Variants in CELSR3 observed in about 807,000 individuals in gnomAD.
CELSR3 encodes EGF-like protein 1.
A neutral mutation model predicts 270.0 loss-of-function variants in CELSR3; 73 were observed. The ratio of observed to expected loss-of-function variants is 0.27; its 90% CI spans 0.22 to 0.33. The LOEUF is 0.33. Among genes scored for constraint, CELSR3 ranks in the 10% least tolerant of loss-of-function variants. The pLI is 1.00. For synonymous variants in CELSR3, 1,780 were observed against 1,905.4 expected (o/e 0.93, Z 1.71); for missense variants, 3,614 against 4,533.8 (o/e 0.80, Z 5.83).
Position 48,656,384 on chromosome 3 carries a change from T to A in CELSR3, c.4400-19A>T. On this transcript the variant is annotated intron_variant, in intron 2 of 34. Coordinates refer to ENST00000164024, the MANE Select transcript of CELSR3 (RefSeq NM_001407.3). ...TCCTCTCCTGGGGGCCAAGCCGCGG[T>A]CAGAGGCGGTCACGCCCACGCCCGC... The A allele has an allele frequency of 2.9e-6, 4 of 1,397,220 alleles. No individual in the cohort carries two copies. The highest frequency in any genetic ancestry group is 3.7e-6 in the Non-Finnish European group (4 of 1,087,826). The allele number at this position is 1,397,220 out of a possible 1,614,324, so 86.6% of individuals were successfully genotyped here.
rs1329250019 is a variant in CELSR3, at chr3:48,639,119, A to G, written c.9911+555T>C. Among the ~76,000 whole-genome samples the G allele has an allele frequency of 2.0e-5, 3 of 152,078 alleles. No individual in the cohort carries two copies. The highest frequency in any genetic ancestry group is 4.4e-5 in the Non-Finnish European group (3 of 68,014). On this transcript the variant is annotated intron_variant, in intron 34 of 34. Transcript: ENST00000164024. This position sits in a 1 kb window ranked among gnomAD's most constrained non-coding sequence, Gnocchi z 4.1. ...GCTTCACACATACCCGAGATGAACC[A>G]GGTTCCAACTCAGTTCCTGTGAGCC...
At position 48,647,881 on chromosome 3, in the gene CELSR3, C is replaced by T; in HGVS notation, c.7089G>A (p.Val2363=). 11 of 1,611,578 alleles carry T rather than the reference C, an allele frequency of 6.8e-6. No individual in the cohort carries two copies. Among genetic ancestry groups the T allele is most frequent in the Non-Finnish European group, 9.3e-6 (11 of 1,179,634 alleles). Reference sequence around the variant, plus strand: ...GCCGTGGGGACTGGGAAGGCAGCAGCACATGGGTGTGAGGATCCCAGGCAT... The same window carrying T: ...GCCGTGGGGACTGGGAAGGCAGCAGTACATGGGTGTGAGGATCCCAGGCAT... The part of the protein sequence containing the change: ...GQDAWDPHTH[V]LLPSQSPRPS... The change falls in exon 20 of 35, where the codon GTG becomes GTA. Residue 2363 remains valine (V), a synonymous_variant. Transcript: ENST00000164024.
In CELSR3 at chr3:48,650,647, G is replaced by T; in HGVS notation, c.6371-66C>A. 7.6e-7 allele frequency: 1 copy of T among 1,313,974 alleles called. No homozygotes were observed. The highest frequency in any genetic ancestry group is 1.1e-6 in the Non-Finnish European group (1 of 951,734). The allele number at this position is 1,313,974 out of a possible 1,614,324, so 81.4% of individuals were successfully genotyped here. A position where few individuals can be genotyped will look rare whatever the true frequency, so the allele number is the denominator to read the frequency against. ...AGGGCAGTTGACAGCCACACCCACT[G>T]CCCCTCCACCACCCCCCACAAGGCC... On this transcript the variant is annotated intron_variant, in intron 15 of 34. Coordinates refer to ENST00000164024, the MANE Select transcript of CELSR3 (RefSeq NM_001407.3). The surrounding 1 kb of genome is among the most constrained non-coding windows in gnomAD (Gnocchi z 5.1).
Position 48,640,677 on chromosome 3 carries a change from G to A in CELSR3, c.9026-118C>T, listed in dbSNP as rs2047017724. On this transcript the variant is annotated intron_variant, in intron 33 of 34. Coordinates refer to ENST00000164024, the MANE Select transcript of CELSR3 (RefSeq NM_001407.3). The surrounding 1 kb of genome is among the most constrained non-coding windows in gnomAD (Gnocchi z 7.5). ...TCCTTCCAACACAGGGATGGGAGCA[G>A]GAACCCCTTGGGGAGCAGCAGAGGC... The A allele has an allele frequency of 1.7e-6, 2 of 1,175,364 alleles. No individual in the cohort carries two copies. The highest frequency in any genetic ancestry group is 5.2e-5 in the East Asian group (2 of 38,620). 72.8% of individuals were successfully genotyped at this position (1,175,364 alleles called of 1,614,324 possible).
At chr3:48,656,495 C>G in intron 2 of CELSR3, 130 bp from the exon 3 acceptor site, 1 of 1,130,424 alleles carries the variant, frequency 8.8e-7, no homozygotes, top group South Asian at 1.8e-5. Flanking sequence ...TGGACACGCC[C>G]CTTCCGTCTG....
intron 19 of CELSR3, 29 bp downstream of exon 19, chr3:48,648,237 T>TTG: frequency 7.0e-7 from 1 of 1,427,710 alleles, no homozygotes; most frequent in Non-Finnish European, 9.8e-7. Context: ...CCCCCTGCTG[T>TTG]GCCCCGCCCT....
Position 48,658,765 on chromosome 3 carries a change from C to T in CELSR3, c.3748+122G>A. The T allele has an allele frequency of 2.4e-6, 3 of 1,227,034 alleles. No individual in the cohort carries two copies. The highest frequency in any genetic ancestry group is 2.3e-5 in the Admixed American group (1 of 43,002). The allele number at this position is 1,227,034 out of a possible 1,614,324, so 76.0% of individuals were successfully genotyped here. ...GGCAGATCTTGTAGGGTGCAGGAAC[C>T]CTACCCTTAAGGGGTTCTTGGAAGG... On this transcript the variant is annotated intron_variant, in intron 1 of 34. Transcript: ENST00000164024. The surrounding 1 kb of genome is among the most constrained non-coding windows in gnomAD (Gnocchi z 4.7).
chr3:48,648,238 G>GGCCCCCCCCACCCCCC, intron 19 of CELSR3, 28 bp downstream of exon 19: 5 of 1,342,612 alleles, frequency 3.7e-6, no homozygotes, highest in Non-Finnish European at 4.2e-6. Context: ...CCCCTGCTGT[G>GGCCCCCCCCACCCCCC]CCCCGCCCTA....
At position 48,660,116 on chromosome 3, in the gene CELSR3, T is replaced by A; in HGVS notation, c.2519A>T (p.Asp840Val). The stretch of plus-strand genomic sequence containing the variant: ...GATGTTGATGTGCACATAGCAGTGA[T>A]CATGAAGGGCACGGTCAGATGCAGT... ...VLTASDRALH[D>V]HCYVHINITD... The change falls in exon 1 of 35, where the codon GAT (aspartate) becomes GTT (valine). Residue 840 changes from aspartate (D) to valine (V), a missense_variant. Asp to Val is a radical substitution (Grantham distance 152, BLOSUM62 -3). Transcript: ENST00000164024. The surrounding 1 kb of genome is among the most constrained non-coding windows in gnomAD (Gnocchi z 5.5). 1 of 1,614,130 alleles carries A rather than the reference T, an allele frequency of 6.2e-7. No homozygotes were observed. The highest frequency in any genetic ancestry group is 8.5e-7 in the Non-Finnish European group (1 of 1,180,030).
Position 48,650,639 on chromosome 3 carries a change from C to T in CELSR3, c.6371-58G>A. The T allele has an allele frequency of 1.5e-6, 2 of 1,371,852 alleles. No homozygotes were observed. Among genetic ancestry groups the T allele is most frequent in the Non-Finnish European group, 2.0e-6 (2 of 999,194 alleles). The allele number at this position is 1,371,852 out of a possible 1,614,324, so 85.0% of individuals were successfully genotyped here. A position where few individuals can be genotyped will look rare whatever the true frequency, so the allele number is the denominator to read the frequency against. ...CAGGGTACAGGGCAGTTGACAGCCA[C>T]ACCCACTGCCCCTCCACCACCCCCC... On this transcript the variant is annotated intron_variant, in intron 15 of 34. Coordinates refer to ENST00000164024, the MANE Select transcript of CELSR3 (RefSeq NM_001407.3). The surrounding 1 kb of genome is among the most constrained non-coding windows in gnomAD (Gnocchi z 5.1).
Position 48,661,279 on chromosome 3 carries a change from G to A in CELSR3, c.1356C>T (p.Ile452=). 2 of 1,613,046 alleles carry A rather than the reference G, an allele frequency of 1.2e-6. No individual in the cohort carries two copies. The highest frequency in any genetic ancestry group is 1.7e-6 in the Non-Finnish European group (2 of 1,179,536). Reference sequence around the variant, plus strand: ...CGCCGTCAGTGGCACGCAGCTGCAGGATAGGGTAGCCCTCCTCCACATTCT... The same window carrying A: ...CGCCGTCAGTGGCACGCAGCTGCAGAATAGGGTAGCCCTCCTCCACATTCT... ...LRENVEEGYP[I]LQLRATDGDA... Residue 452 remains isoleucine, a synonymous_variant, in exon 1 of 35, where the codon ATC becomes ATT. Coordinates refer to ENST00000164024, the MANE Select transcript of CELSR3 (RefSeq NM_001407.3).
rs532493642 is a variant in CELSR3, at chr3:48,648,050, G to C, written c.6974-54C>G. 3.1e-5 allele frequency: 50 copies of C among 1,598,128 alleles called. No individual in the cohort carries two copies. In the South Asian group the frequency reaches 5.4e-4, roughly 17 times the overall value. ...ATCATGGACCTCTTCCCCCTGCCAA[G>C]GGTTCTACTCCCTCTTACTCGCATC... On this transcript the variant is annotated intron_variant, in intron 19 of 34. Transcript: ENST00000164024.
Position 48,649,224 on chromosome 3 carries a change from A to T in CELSR3, c.6473-9T>A. On this transcript the variant is annotated splice_polypyrimidine_tract_variant and intron_variant, in intron 16 of 34. Transcript: ENST00000164024. ...CAGCCGCACAGCAGCACCTGGAGGC[A>T]GGCAACCCCTGGTCAGGCCTGGGGC... The T allele has an allele frequency of 6.2e-7, 1 of 1,605,578 alleles. No individual in the cohort carries two copies. Among genetic ancestry groups the T allele is most frequent in the Non-Finnish European group, 8.5e-7 (1 of 1,176,034 alleles).
In CELSR3 at chr3:48,645,907, T is replaced by C. The variant is rs775003948; in HGVS notation, c.7464-39A>G. 6.3e-7 allele frequency: 1 copy of C among 1,582,132 alleles called. No homozygotes were observed. The highest frequency in any genetic ancestry group is 1.1e-5 in the South Asian group (1 of 89,870). On this transcript the variant is annotated intron_variant, in intron 22 of 34. Coordinates refer to ENST00000164024, the MANE Select transcript of CELSR3 (RefSeq NM_001407.3). This position sits in a 1 kb window ranked among gnomAD's most constrained non-coding sequence, Gnocchi z 5.4. ...GCAGTTAGACACAACTGTGACCCAG[T>C]GTCAGGCAGGGGTTTGTGAGAGATC...
Position 48,652,550 on chromosome 3 carries a change from T to C in CELSR3, c.5638A>G (p.Thr1880Ala), listed in dbSNP as rs1489800467. Residue 1880 changes from threonine to alanine, a missense_variant, in exon 11 of 35, where the codon ACC becomes GCC. Coordinates refer to ENST00000164024, the MANE Select transcript of CELSR3 (RefSeq NM_001407.3). The surrounding 1 kb of genome is among the most constrained non-coding windows in gnomAD (Gnocchi z 4.3). The stretch of plus-strand genomic sequence containing the variant: ...TGCAGCTCACTCCCCACCGCCATGG[T>C]GTCCTGGAGGAAGTGGGGCAGTCAG... ...VSLDFSLFQDTMAVGSELQGL... is the reference protein window; with the variant it reads ...VSLDFSLFQDAMAVGSELQGL... 1.9e-6 allele frequency: 3 copies of C among 1,606,596 alleles called. No homozygotes were observed. The African/African-American group carries it at 4.0e-5, about 21-fold the overall frequency.
rs1214119977 is a variant in CELSR3, at chr3:48,639,407, G to A, written c.9911+267C>T. Among the ~76,000 whole-genome samples the A allele has an allele frequency of 2.6e-5, 4 of 152,132 alleles. No homozygotes were observed. The highest frequency in any genetic ancestry group is 7.2e-5 in the African/African-American group (3 of 41,432). ...CTCCCATTCGCTAGCTCAGCCCATC[G>A]GATGGCACCTATTTCTCCTTAGCCT... On this transcript the variant is annotated intron_variant, in intron 34 of 34. Coordinates refer to ENST00000164024, the MANE Select transcript of CELSR3 (RefSeq NM_001407.3). The surrounding 1 kb of genome is among the most constrained non-coding windows in gnomAD (Gnocchi z 4.1).
chr3:48,648,683 G>C lies in CELSR3; in HGVS notation c.6777+36C>G, dbSNP rs373067008. The C allele has an allele frequency of 1.2e-5, 19 of 1,592,956 alleles. No individual in the cohort carries two copies. In the African/African-American group the frequency reaches 1.6e-4, roughly 13 times the overall value. ...CAGGGGCAGGAGGCTGGGAGCTGGG[G>C]GGCCAAGGCACTGAGAACATAGGGC... On this transcript the variant is annotated intron_variant, in intron 18 of 34. Transcript: ENST00000164024.
In CELSR3 at chr3:48,655,372, G is replaced by C. The variant is rs201146327; in HGVS notation, c.4764C>G (p.Ser1588Arg). 1 of 1,614,104 alleles carries C rather than the reference G, an allele frequency of 6.2e-7. No homozygotes were observed. The highest frequency in any genetic ancestry group is 2.2e-5 in the East Asian group (1 of 44,886). Residue 1588 changes from serine (S) to arginine (R), a missense_variant, in exon 5 of 35, where the codon AGC (serine) becomes AGG (arginine). Physicochemically the swap from Ser to Arg is moderately radical, Grantham distance 110. Around this residue, in one of 7 missense-constraint regions of CELSR3, gnomAD observed 1,331 missense variants for 1,933.7 expected, o/e 0.69. Coordinates refer to ENST00000164024, the MANE Select transcript of CELSR3 (RefSeq NM_001407.3). This position sits in a 1 kb window ranked among gnomAD's most constrained non-coding sequence, Gnocchi z 5.8. ...CACTCAAGCCCCCTGGAACTGTGGG[G>C]CTGACCACGGTGTTGGATTCACCTG... Reference protein sequence around the residue: ...YSTGESNTVVSPTVPGGLSDG... With the variant: ...YSTGESNTVVRPTVPGGLSDG...
At position 48,660,172 on chromosome 3, in the gene CELSR3, G is replaced by A. The variant is rs971351968; in HGVS notation, c.2463C>T (p.Tyr821=). The change falls in exon 1 of 35, where the codon TAC becomes TAT. Residue 821 remains tyrosine, a synonymous_variant. Transcript: ENST00000164024. The surrounding 1 kb of genome is among the most constrained non-coding windows in gnomAD (Gnocchi z 5.5). ...CCAGCTTGAAGTAGCGTTCCTGCTT[G>A]TAGTCCAGTGGCAGAGCCAGAGTCA... ...GLVTLALPLD[Y]KQERYFKLVL... is the part of the protein sequence containing the mutation. 6.2e-7 allele frequency: 1 copy of A among 1,614,144 alleles called. No homozygotes were observed. Among genetic ancestry groups the A allele is most frequent in the South Asian group, 1.1e-5 (1 of 91,084 alleles).
Sources: allele counts gnomAD v4.1 joint callset (sites outside exome capture counted in the v4.1 genomes callset), GRCh38; gene constraint gnomAD v4.1.1; regional missense constraint gnomAD v4.1.1; non-coding constraint Gnocchi (gnomAD v3.1); transcripts MANE v1.5; gene names NCBI Gene and HGNC (gene_info 2026-07-23, HGNC 2026-07-21).